TSHZ3: variants seen among roughly 807,000 people sequenced by gnomAD.
TSHZ3 encodes the protein teashirt zinc finger homeobox 3, also known as teashirt homolog 3.
In TSHZ3, 10 loss-of-function variants were observed where a neutral mutation model predicts 64.5. The observed-to-expected ratio is 0.16, with a 90% CI of 0.10 to 0.26. TSHZ3 has a LOEUF of 0.26. Among genes scored for constraint, TSHZ3 ranks in the 10% least tolerant of loss-of-function variants. The probability of loss-of-function intolerance (pLI) is 1.00; values close to 1 mark genes in which losing one functional copy is unlikely to be tolerated. For synonymous variants in TSHZ3, 608 were observed against 593.1 expected (o/e 1.03, Z -0.36); for missense variants, 1,242 against 1,421.7 (o/e 0.87, Z 2.03).
intron 3 of TSHZ3, among the ~76,000 whole-genome samples, chr19:31,239,281 A>G (rs989589980): frequency 1.3e-5 from 2 of 152,116 alleles, no homozygotes; most frequent in Non-Finnish European, 2.9e-5. Context: ...TGTGATAAGT[A>G]ATTAGTTTTA....
intron 6 of TSHZ3, among the ~76,000 whole-genome samples, chr19:31,153,238 C>CA (rs1568331384): frequency 6.6e-6 from 1 of 152,112 alleles, no homozygotes; most frequent in African/African-American, 2.4e-5. Flanking sequence ...TACTGTTCGT[C>CA]AAAAAGATGT....
intron 5 of TSHZ3, among the ~76,000 whole-genome samples, chr19:31,157,102 T>A (rs888033198): frequency 2.6e-5 from 2 of 76,532 alleles, no homozygotes; most frequent in African/African-American, 9.1e-5. Flanking sequence ...AACCTGGCAT[T>A]TTTTTTTGTG....
intron 1 of TSHZ3, among the ~76,000 whole-genome samples, chr19:31,336,981 CT>C (rs1286963619): frequency 3.4e-5 from 5 of 145,550 alleles, no homozygotes; most frequent in Admixed American, 3.4e-4. Flanking sequence ...GGCAGTTTTT[CT>C]TTCTTTCTTC....
chr19:31,199,400 C>CAA (rs61428496), intron 5 of TSHZ3, among the ~76,000 whole-genome samples: 177 of 98,502 alleles, frequency 1.8e-3, no homozygotes, highest in African/African-American at 3.9e-3. Context: ...GAGACTCCGC[C>CAA]AAAAAAAAAA....
At chr19:31,248,703 A>C (rs1274551436) in intron 1 of TSHZ3, among the ~76,000 whole-genome samples, 2 of 150,732 alleles carry the variant, frequency 1.3e-5, no homozygotes, top group African/African-American at 4.9e-5. Flanking sequence ...AGGAGGGAGG[A>C]TCTCTTGAGC....
chr19:31,316,208 G>A (rs1916598348), intron 1 of TSHZ3, among the ~76,000 whole-genome samples: 1 of 152,168 alleles, frequency 6.6e-6, no homozygotes, highest in Non-Finnish European at 1.5e-5. Flanking sequence ...CAGGGAGGGA[G>A]GCAGGAGTTC....
chr19:31,184,800 G>A (rs1354142125), intron 5 of TSHZ3, among the ~76,000 whole-genome samples: 3 of 152,094 alleles, frequency 2.0e-5, no homozygotes, highest in Admixed American at 6.5e-5. Context: ...TTATCACCGC[G>A]GCTTCATAAA....
intron 3 of TSHZ3, among the ~76,000 whole-genome samples, chr19:31,239,298 G>A (rs945374267): frequency 6.6e-6 from 1 of 151,946 alleles, no homozygotes; most frequent in African/African-American, 2.4e-5. Context: ...TTTATTATGA[G>A]TAATTTAAAT....
intron 3 of TSHZ3, among the ~76,000 whole-genome samples, chr19:31,229,415 G>A (rs963685645): frequency 6.6e-6 from 1 of 152,246 alleles, no homozygotes; most frequent in South Asian, 2.1e-4. Context: ...AGTCTCTGGG[G>A]GAAATGATGC....
intron 5 of TSHZ3, among the ~76,000 whole-genome samples, chr19:31,166,966 G>A (rs1458244605): frequency 2.6e-5 from 4 of 152,152 alleles, no homozygotes; most frequent in African/African-American, 4.8e-5. Context: ...TTTATAGATG[G>A]CAGATCTTTA....
chr19:31,172,632 G>A (rs1053019722), intron 5 of TSHZ3, among the ~76,000 whole-genome samples: 5 of 152,158 alleles, frequency 3.3e-5, no homozygotes, highest in East Asian at 1.9e-4. Flanking sequence ...TAAATAAAAA[G>A]CATCATGAAC....
intron 4 of TSHZ3, among the ~76,000 whole-genome samples, chr19:31,211,275 A>G (rs1204963270): frequency 6.6e-6 from 1 of 152,156 alleles, no homozygotes; most frequent in Non-Finnish European, 1.5e-5. Context: ...TTCATTCAAC[A>G]TGCATTCAAC....
At chr19:31,200,082 A>G (rs550668285) in intron 5 of TSHZ3, among the ~76,000 whole-genome samples, 1 of 152,118 alleles carries the variant, frequency 6.6e-6, no homozygotes, top group African/African-American at 2.4e-5. Context: ...TGCTGGTAAG[A>G]ACATGAAGCA....
In TSHZ3 at chr19:31,279,685, C is replaced by T. The variant is rs191399852; in HGVS notation, c.108G>A (p.Thr36=). The part of the protein sequence containing the change: ...VDEGLDPEEH[T]ADGEPSAKYM... ...ACTTGGCCGAGGGCTCTCCATCTGC[C>T]GTATGCTCCTCTGGGTCTAAACCTT... The change falls in exon 2 of 2, where the codon ACG becomes ACA. Residue 36 remains threonine, a synonymous_variant. Coordinates refer to ENST00000240587, the MANE Select transcript of TSHZ3 (RefSeq NM_020856.4). The surrounding 1 kb of genome is among the most constrained non-coding windows in gnomAD (Gnocchi z 6.4). 15 of 1,573,662 alleles carry T rather than the reference C, an allele frequency of 9.5e-6. No homozygotes were observed. Among genetic ancestry groups the T allele is most frequent in the African/African-American group, 6.8e-5 (5 of 73,798 alleles).
chr19:31,164,754 G>A lies in TSHZ3; in HGVS notation n.810-8337C>T, dbSNP rs1031985674. Among the ~76,000 whole-genome samples, 3 of 152,318 alleles carry A rather than the reference G, an allele frequency of 2.0e-5. No homozygotes were observed. The East Asian group carries it at 5.8e-4, about 29-fold the overall frequency. ...CCAGCAGCTCTCCCCGGGGTGAGGT[G>A]CAGCTCCCACCAAGCTCTCCTCCTT... On this transcript the variant is annotated intron_variant and non_coding_transcript_variant, in intron 5 of 6. Transcript: ENST00000651361.
intron 1 of TSHZ3, among the ~76,000 whole-genome samples, chr19:31,286,837 G>A (rs1398865592): frequency 6.6e-6 from 1 of 152,234 alleles, no homozygotes; most frequent in Non-Finnish European, 1.5e-5. Flanking sequence ...TTCACACCGT[G>A]GATGCAGGGA....
At chr19:31,302,029 C>T (rs1188326515) in intron 1 of TSHZ3, among the ~76,000 whole-genome samples, 1 of 152,158 alleles carries the variant, frequency 6.6e-6, no homozygotes, top group East Asian at 1.9e-4. Context: ...CCAGCCCAGT[C>T]AGCACCTGAA....
At chr19:31,255,577 C>T (rs1392856679) in intron 1 of TSHZ3, among the ~76,000 whole-genome samples, 10 of 152,088 alleles carry the variant, frequency 6.6e-5, no homozygotes, top group Non-Finnish European at 1.5e-4. Context: ...CATTCAAAGC[C>T]ACACCACGGA....
chr19:31,166,076 A>G (rs2145109020), intron 5 of TSHZ3, among the ~76,000 whole-genome samples: 1 of 152,318 alleles, frequency 6.6e-6, no homozygotes, highest in Non-Finnish European at 1.5e-5. Context: ...CAGCGCCAGC[A>G]GCTTTTTTCT....
Sources: allele counts gnomAD v4.1 joint callset (sites outside exome capture counted in the v4.1 genomes callset), GRCh38; gene constraint gnomAD v4.1.1; non-coding constraint Gnocchi (gnomAD v3.1); transcripts MANE v1.5; gene names NCBI Gene and HGNC (gene_info 2026-07-23, HGNC 2026-07-21).